RNF182: variants seen among roughly 807,000 people sequenced by gnomAD.
RNF182 encodes the protein ring finger protein 182, also known as E3 ubiquitin-protein ligase RNF182.
Under a neutral mutation model 14.4 loss-of-function variants are expected in RNF182, and 15 were observed. The observed-to-expected ratio is 1.04, with a 90% CI of 0.70 to 1.60. The LOEUF (loss-of-function observed/expected upper bound fraction) is 1.60, where lower values mean the gene tolerates loss of function less well. Ranked by LOEUF, RNF182 falls within the 40% of genes most tolerant of loss-of-function variation. The probability of loss-of-function intolerance (pLI) is 0.00; values close to 1 mark genes in which losing one functional copy is unlikely to be tolerated. For missense variants in RNF182, 268 were observed against 294.8 expected (o/e 0.91, Z 0.67); for synonymous variants, 128 against 122.9 (o/e 1.04, Z -0.27).
chr6:13,926,601 T>C (rs1359046189), intron 1 of RNF182, among the ~76,000 whole-genome samples: 1 of 152,224 alleles, frequency 6.6e-6, no homozygotes, highest in African/African-American at 2.4e-5. Context: ...ATGACGGTAA[T>C]AAAATCGTAC....
In RNF182 at chr6:13,977,271, T is replaced by G; in HGVS notation, c.152T>G (p.Ile51Ser). The G allele has an allele frequency of 6.2e-7, 1 of 1,614,164 alleles. No homozygotes were observed. The highest frequency in any genetic ancestry group is 8.5e-7 in the Non-Finnish European group (1 of 1,180,028). The change falls in exon 3 of 3, where the codon ATC becomes AGC. Residue 51 changes from isoleucine to serine, a missense_variant. Ile to Ser is a moderately radical substitution (Grantham distance 142). Coordinates refer to ENST00000488300, the MANE Select transcript of RNF182 (RefSeq NM_152737.4). The part of the protein sequence containing the change: ...HRVCAKCLYK[I>S]IDFGDSPQGV... The stretch of plus-strand genomic sequence containing the variant: ...GTTTGTGCCAAATGCCTCTACAAGA[T>G]CATAGACTTTGGGGACTCCCCACAA...
rs1487462516 is a variant in RNF182 at position 13,979,803 on chromosome 6, C to G, written c.*1940C>G. On this transcript the variant is annotated 3_prime_UTR_variant, in exon 3 of 3. Transcript: ENST00000488300. ...GACATGGGTACGATGTGTTTTGCTT[C>G]TCTGTATAATGTCTACAGTGATAAA... 3 of 166,944 alleles carry G rather than the reference C, an allele frequency of 1.8e-5. No homozygotes were observed. In the East Asian group the frequency reaches 5.8e-4, roughly 32 times the overall value. 10.3% of individuals were successfully genotyped at this position (166,944 alleles called of 1,614,324 possible).
intron 1 of RNF182, among the ~76,000 whole-genome samples, chr6:13,959,573 G>A (rs1428027654): frequency 3.9e-5 from 6 of 152,212 alleles, no homozygotes; most frequent in African/African-American, 1.4e-4. Flanking sequence ...GGATTAGGAT[G>A]TTGATGATGA....
chr6:13,938,661 T>C lies in RNF182; in HGVS notation c.-367+13638T>C, dbSNP rs923358264. 3.9e-5 allele frequency among the ~76,000 whole-genome samples: 6 copies of C among 152,236 alleles called. No homozygotes were observed. The East Asian group carries it at 1.2e-3, about 29-fold the overall frequency. ...AGGGTCAAAATGATTTTTATCTATG[T>C]AAATATCCTGTTGACCCAGCGTTAT... is the stretch of plus-strand genomic sequence containing the variant. On this transcript the variant is annotated intron_variant, in intron 1 of 2. Coordinates refer to ENST00000488300, the MANE Select transcript of RNF182 (RefSeq NM_152737.4).
At chr6:13,945,712 A>G (rs535985473) in intron 1 of RNF182, among the ~76,000 whole-genome samples, 1 of 152,338 alleles carries the variant, frequency 6.6e-6, no homozygotes, top group African/African-American at 2.4e-5. Context: ...TAAAATGTTT[A>G]TTCCCTTGTT....
Position 13,977,537 on chromosome 6 carries a change from A to C in RNF182, c.418A>C (p.Ser140Arg), listed in dbSNP as rs1267104867. The change falls in exon 3 of 3, where the codon AGC (serine) becomes CGC (arginine). Residue 140 changes from serine (S) to arginine (R), a missense_variant. Transcript: ENST00000488300. ...AACCATCATGGAGGTGCAGAGAGAG[A>C]GCTCCCCGTCCCTGAGCTCCACTCC... ...VITIMEVQRE[S>R]SPSLSSTPVV... 2 of 1,614,058 alleles carry C rather than the reference A, an allele frequency of 1.2e-6. No homozygotes were observed. The highest frequency in any genetic ancestry group is 1.7e-6 in the Non-Finnish European group (2 of 1,179,992).
In RNF182 at chr6:13,979,780, C is replaced by T. The variant is rs1479616522; in HGVS notation, c.*1917C>T. On this transcript the variant is annotated 3_prime_UTR_variant, in exon 3 of 3. Transcript: ENST00000488300. ...AATGAGATTTCTAGAAAGCTCTGGACATGGGTACGATGTGTTTTGCTTCTC... is the reference window on the plus strand; with the variant it reads ...AATGAGATTTCTAGAAAGCTCTGGATATGGGTACGATGTGTTTTGCTTCTC... 1.2e-5 allele frequency: 2 copies of T among 166,926 alleles called. No homozygotes were observed. Among genetic ancestry groups the T allele is most frequent in the African/African-American group, 4.8e-5 (2 of 41,408 alleles). The allele number at this position is 166,926 out of a possible 1,614,324, so 10.3% of individuals were successfully genotyped here.
chr6:13,956,098 C>A (rs1209833837), intron 1 of RNF182, among the ~76,000 whole-genome samples: 1 of 152,168 alleles, frequency 6.6e-6, no homozygotes, highest in Non-Finnish European at 1.5e-5. Flanking sequence ...CAGACTTATT[C>A]ATATTGCTGC....
rs758972195 is a variant in RNF182 at position 13,974,256 on chromosome 6, TC to T, written c.-319del. ...GCATTTCCAGGGATGCTACCAGAGC[TC>T]AAGGCTGTCACCTGGTCTTGCCCAG... is the stretch of plus-strand genomic sequence containing the variant. On this transcript the variant is annotated 5_prime_UTR_variant, in exon 2 of 3. It introduces an in-frame stop codon into an upstream open reading frame of the 5' UTR. Transcript: ENST00000488300. The T allele has an allele frequency of 2.0e-5, 3 of 152,078 alleles. No homozygotes were observed. Among genetic ancestry groups the T allele is most frequent in the Non-Finnish European group, 4.4e-5 (3 of 68,008 alleles). The allele number at this position is 152,078 out of a possible 1,614,324, so 9.4% of individuals were successfully genotyped here. A position where few individuals can be genotyped will look rare whatever the true frequency, so the allele number is the denominator to read the frequency against.
intron 1 of RNF182, among the ~76,000 whole-genome samples, chr6:13,946,113 A>G (rs1007675262): frequency 4.0e-5 from 6 of 150,582 alleles, no homozygotes; most frequent in Non-Finnish European, 7.4e-5. Context: ...TACTTTGGAA[A>G]GAATCTGTAT....
chr6:13,968,719 A>C (rs1308141271), intron 1 of RNF182, among the ~76,000 whole-genome samples: 2 of 152,198 alleles, frequency 1.3e-5, no homozygotes, highest in African/African-American at 4.8e-5. Flanking sequence ...ATGCACACAC[A>C]CAAAGGCCAC....
At chr6:13,957,758 G>T (rs1215318282) in intron 1 of RNF182, among the ~76,000 whole-genome samples, 2 of 152,208 alleles carry the variant, frequency 1.3e-5, no homozygotes, top group Non-Finnish European at 2.9e-5. Context: ...CTGAGATATT[G>T]TAGTGATAAC....
In RNF182 at chr6:13,931,689, G is replaced by A. The variant is rs112100065; in HGVS notation, c.-367+6666G>A. Reference sequence around the variant, plus strand: ...TGTTCAAGGCCAGTATGAGAAGCCAGACAGCCTGGATTTGAATACTGCCTC... The same window carrying A: ...TGTTCAAGGCCAGTATGAGAAGCCAAACAGCCTGGATTTGAATACTGCCTC... On this transcript the variant is annotated intron_variant, in intron 1 of 2. Coordinates refer to ENST00000488300, the MANE Select transcript of RNF182 (RefSeq NM_152737.4). Among the ~76,000 whole-genome samples, 925 of 151,640 alleles carry A rather than the reference G, an allele frequency of 6.1e-3. 9 individuals carry two copies. Among genetic ancestry groups the A allele is most frequent in the African/African-American group, 0.021 (872 of 41,258 alleles).
chr6:13,941,203 A>C (rs1759290767), intron 1 of RNF182, among the ~76,000 whole-genome samples: 1 of 152,100 alleles, frequency 6.6e-6, no homozygotes, highest in African/African-American at 2.4e-5. Context: ...TCTACCTTTC[A>C]TTCTGTCAGT....
chr6:13,928,449 A>G (rs1188025061), intron 1 of RNF182, among the ~76,000 whole-genome samples: 1 of 152,200 alleles, frequency 6.6e-6, no homozygotes, highest in Non-Finnish European at 1.5e-5. Flanking sequence ...AATGTATGAT[A>G]CCCAAATACT....
At position 13,977,286 on chromosome 6, in the gene RNF182, A is replaced by T; in HGVS notation, c.167A>T (p.Asp56Val). The part of the protein sequence containing the change: ...KCLYKIIDFG[D>V]SPQGVIVCPF... Reference sequence around the variant, plus strand: ...CTCTACAAGATCATAGACTTTGGGGACTCCCCACAAGGTGTCATTGTCTGT... The same window carrying T: ...CTCTACAAGATCATAGACTTTGGGGTCTCCCCACAAGGTGTCATTGTCTGT... The change falls in exon 3 of 3, where the codon GAC becomes GTC. Residue 56 changes from aspartate (D) to valine (V), a missense_variant. Physicochemically the swap from Asp to Val is radical, Grantham distance 152. Coordinates refer to ENST00000488300, the MANE Select transcript of RNF182 (RefSeq NM_152737.4). 1 of 1,613,958 alleles carries T rather than the reference A, an allele frequency of 6.2e-7. No homozygotes were observed. The highest frequency in any genetic ancestry group is 8.5e-7 in the Non-Finnish European group (1 of 1,179,988).
At chr6:13,940,401 T>G (rs1273369803) in intron 1 of RNF182, among the ~76,000 whole-genome samples, 1 of 152,138 alleles carries the variant, frequency 6.6e-6, no homozygotes. Flanking sequence ...TTAGTGAAAT[T>G]TTGTTTGAGA....
At chr6:13,950,527 C>T (rs1158717594) in intron 1 of RNF182, among the ~76,000 whole-genome samples, 1 of 124,178 alleles carries the variant, frequency 8.1e-6, no homozygotes, top group East Asian at 2.4e-4. Flanking sequence ...TGACAGAGTC[C>T]TGCTCTGTCT....
intron 1 of RNF182, among the ~76,000 whole-genome samples, chr6:13,971,230 T>TC (rs966178700): frequency 6.6e-6 from 1 of 152,102 alleles, no homozygotes; most frequent in Non-Finnish European, 1.5e-5. Flanking sequence ...GGGGGCAGTT[T>TC]CCCCCATACT....
Sources: allele counts gnomAD v4.1 joint callset (sites outside exome capture counted in the v4.1 genomes callset), GRCh38; gene constraint gnomAD v4.1.1; transcripts MANE v1.5; gene names NCBI Gene and HGNC (gene_info 2026-07-23, HGNC 2026-07-21).